NAA11: variants seen among roughly 807,000 people sequenced by gnomAD.
The protein encoded by NAA11 is N-alpha-acetyltransferase 11.
A neutral mutation model predicts 16.1 loss-of-function variants in NAA11; 15 were observed. The observed-to-expected ratio is 0.93, with a 90% CI of 0.62 to 1.44. The LOEUF is 1.44. Ranked by LOEUF, NAA11 falls within the 40% of genes most tolerant of loss-of-function variation. The pLI is 0.00. For synonymous variants in NAA11, 122 were observed against 112.4 expected (o/e 1.09, Z -0.54); for missense variants, 298 against 291.3 (o/e 1.02, Z -0.17).
chr4:79,263,454 A>C (rs1722280398), intron 2 of NAA11, among the ~76,000 whole-genome samples: 2 of 152,206 alleles, frequency 1.3e-5, no homozygotes, highest in Admixed American at 1.3e-4. Context: ...AAAAGAAAGC[A>C]TTGAGAATTC....
chr4:79,271,220 T>C, intron 2 of NAA11, among the ~76,000 whole-genome samples: 2 of 110,032 alleles, frequency 1.8e-5, no homozygotes, highest in Admixed American at 9.9e-5. Context: ...TCACAAGCAT[T>C]CTTATACACC....
At chr4:79,218,076 G>A in the NAA11 span, among the ~76,000 whole-genome samples, 21 of 152,030 alleles carry the variant, frequency 1.4e-4, no homozygotes, top group African/African-American at 5.1e-4. Context: ...GGATTATCTG[G>A]TAATATATAC....
At chr4:79,311,226 A>C (rs1723761139) in intron 1 of NAA11, among the ~76,000 whole-genome samples, 1 of 152,290 alleles carries the variant, frequency 6.6e-6, no homozygotes, top group East Asian at 1.9e-4. Flanking sequence ...GGCATGCAAA[A>C]ATTTAAACTA....
intron 1 of NAA11, among the ~76,000 whole-genome samples, chr4:79,303,938 A>G (rs1166629508): frequency 6.6e-6 from 1 of 152,124 alleles, no homozygotes; most frequent in Admixed American, 6.6e-5. Flanking sequence ...TTTTGTTTTT[A>G]ATATATGATT....
the NAA11 span, among the ~76,000 whole-genome samples, chr4:79,215,627 G>A: frequency 6.6e-6 from 1 of 152,124 alleles, no homozygotes; most frequent in Non-Finnish European, 1.5e-5. Context: ...GTCGCTTTCT[G>A]CCTGCTGCAT....
chr4:79,286,669 A>G (rs1011964968), intron 2 of NAA11, among the ~76,000 whole-genome samples: 3 of 152,096 alleles, frequency 2.0e-5, no homozygotes, highest in Non-Finnish European at 4.4e-5. Context: ...ATCACTGTCA[A>G]TAAGGGATTT....
At chr4:79,165,415 A>AGG in the NAA11 span, among the ~76,000 whole-genome samples, 1 of 152,210 alleles carries the variant, frequency 6.6e-6, no homozygotes, top group South Asian at 2.1e-4. Flanking sequence ...CTGGAGGCCC[A>AGG]GGGTATGCAA....
At chr4:79,251,247 C>T (rs1036349627) in intron 2 of NAA11, among the ~76,000 whole-genome samples, 4 of 152,080 alleles carry the variant, frequency 2.6e-5, no homozygotes, top group African/African-American at 7.2e-5. Context: ...AATGGTAGAT[C>T]GTATGAAGAA....
the NAA11 span, among the ~76,000 whole-genome samples, chr4:79,163,420 A>G: frequency 6.6e-6 from 1 of 152,204 alleles, no homozygotes; most frequent in African/African-American, 2.4e-5. Flanking sequence ...GGGGAGGGTT[A>G]AAAAATAAAA....
chr4:79,310,626 C>G (rs1026601587), intron 1 of NAA11, among the ~76,000 whole-genome samples: 2 of 152,172 alleles, frequency 1.3e-5, no homozygotes, highest in Non-Finnish European at 2.9e-5. Context: ...CTCAAGATGG[C>G]AGGACACCCC....
At chr4:79,314,783 C>T (rs941606208), downstream of NAA11, among the ~76,000 whole-genome samples, 1 of 151,266 alleles carries the variant, frequency 6.6e-6, no homozygotes, top group Non-Finnish European at 1.5e-5. Flanking sequence ...AGAAGTGAAA[C>T]TTTTAAAAAC....
intron 2 of NAA11, among the ~76,000 whole-genome samples, chr4:79,282,022 G>T (rs1300566668): frequency 3.3e-5 from 5 of 152,102 alleles, no homozygotes; most frequent in Non-Finnish European, 7.4e-5. Context: ...GGGTGGGACT[G>T]TCATGAAAGA....
At chr4:79,306,688 A>C (rs964331765) in intron 1 of NAA11, 2 of 152,200 alleles carry the variant, frequency 1.3e-5, no homozygotes, top group Non-Finnish European at 2.9e-5. Flanking sequence ...TCCATTTTAA[A>C]AGGAATACAA....
chr4:79,289,590 TCAGA>T (rs1281115448), intron 2 of NAA11, among the ~76,000 whole-genome samples: 1 of 152,180 alleles, frequency 6.6e-6, no homozygotes, highest in Non-Finnish European at 1.5e-5. Context: ...AAGCCAGAAC[TCAGA>T]CAATTTATAA....
intron 2 of NAA11, among the ~76,000 whole-genome samples, chr4:79,287,750 CA>C (rs371159509): frequency 6.6e-6 from 1 of 152,126 alleles, no homozygotes; most frequent in East Asian, 1.9e-4. Flanking sequence ...CTGCTGCTTT[CA>C]GATTGTCAAA....
chr4:79,189,540 C>G, the NAA11 span, among the ~76,000 whole-genome samples: 1 of 152,138 alleles, frequency 6.6e-6, no homozygotes, highest in African/African-American at 2.4e-5. Context: ...TTTCATGTTT[C>G]CTGAGCTCTC....
At chr4:79,297,634 T>C (rs966281204) in intron 1 of NAA11, among the ~76,000 whole-genome samples, 1 of 152,190 alleles carries the variant, frequency 6.6e-6, no homozygotes, top group Non-Finnish European at 1.5e-5. Context: ...GTGCACTCAC[T>C]CGGGGTATTG....
chr4:79,293,705 T>A (rs893098869), intron 2 of NAA11, among the ~76,000 whole-genome samples: 9 of 152,176 alleles, frequency 5.9e-5, no homozygotes, highest in Middle Eastern at 6.3e-3. Flanking sequence ...AATATGGTAA[T>A]GAACAAGTGA....
chr4:79,218,145 G>A, the NAA11 span, among the ~76,000 whole-genome samples: 1 of 152,072 alleles, frequency 6.6e-6, no homozygotes, highest in Non-Finnish European at 1.5e-5. Context: ...GTCAAAGATA[G>A]GTCAAACAGT....
Sources: allele counts gnomAD v4.1 joint callset (sites outside exome capture counted in the v4.1 genomes callset), GRCh38; gene constraint gnomAD v4.1.1; transcripts MANE v1.5; gene names NCBI Gene and HGNC (gene_info 2026-07-23, HGNC 2026-07-21).